The following BCL2 variants were observed in gnomAD, a reference collection of about 807,000 sequenced individuals.
The protein encoded by BCL2 is BCL2 apoptosis regulator.
Under a neutral mutation model 14.2 loss-of-function variants are expected in BCL2, and 1 was observed. The ratio of observed to expected loss-of-function variants is 0.07; its 90% CI spans 0.02 to 0.33. The LOEUF is 0.33. BCL2 is among the 10% of genes least tolerant of loss of function. BCL2 has a pLI of 0.99. For missense variants in BCL2, 247 were observed against 305.9 expected (o/e 0.81, Z 1.44); for synonymous variants, 151 against 137.2 (o/e 1.10, Z -0.70).
intron 2 of BCL2, among the ~76,000 whole-genome samples, chr18:63,307,780 G>A (rs1337808819): frequency 6.6e-6 from 1 of 152,158 alleles, no homozygotes; most frequent in Non-Finnish European, 1.5e-5. Flanking sequence ...AGAGGGCCTG[G>A]CAATGGGAAC....
intron 2 of BCL2, among the ~76,000 whole-genome samples, chr18:63,260,080 C>T (rs996394026): frequency 2.6e-5 from 4 of 152,096 alleles, no homozygotes; most frequent in African/African-American, 4.8e-5. Flanking sequence ...GTTTTGAACA[C>T]GTCTGGCTAC....
At chr18:63,247,863 T>C (rs1370867883) in intron 2 of BCL2, among the ~76,000 whole-genome samples, 1 of 152,240 alleles carries the variant, frequency 6.6e-6, no homozygotes, top group African/African-American at 2.4e-5. Context: ...GGGTTATGTT[T>C]ATAGACATAG....
At chr18:63,233,766 A>T (rs566941073) in intron 2 of BCL2, among the ~76,000 whole-genome samples, 2 of 152,288 alleles carry the variant, frequency 1.3e-5, no homozygotes, top group Admixed American at 1.3e-4. Flanking sequence ...ATCACATAGC[A>T]AAATGCAACA....
At chr18:63,205,249 T>C (rs1909804425) in intron 2 of BCL2, among the ~76,000 whole-genome samples, 1 of 152,232 alleles carries the variant, frequency 6.6e-6, no homozygotes, top group Non-Finnish European at 1.5e-5. Context: ...AATCGTTTCT[T>C]TGTAACACAT....
intron 2 of BCL2, among the ~76,000 whole-genome samples, chr18:63,189,997 T>G (rs1455713264): frequency 6.6e-6 from 1 of 152,186 alleles, no homozygotes; most frequent in Non-Finnish European, 1.5e-5. Flanking sequence ...CTAACCAGAA[T>G]ACGTCACTCT....
chr18:63,197,233 C>G (rs1461633390), intron 2 of BCL2, among the ~76,000 whole-genome samples: 1 of 152,188 alleles, frequency 6.6e-6, no homozygotes, highest in Non-Finnish European at 1.5e-5. Context: ...CGGCTAAGCG[C>G]CCCCTGCCAC....
intron 2 of BCL2, among the ~76,000 whole-genome samples, chr18:63,157,143 G>A (rs1030418906): frequency 2.6e-5 from 4 of 152,214 alleles, no homozygotes; most frequent in African/African-American, 9.7e-5. Flanking sequence ...AGGCTTCTGG[G>A]CTGAGCCTCT....
At chr18:63,301,754 G>T (rs981023181) in intron 2 of BCL2, among the ~76,000 whole-genome samples, 1 of 152,188 alleles carries the variant, frequency 6.6e-6, no homozygotes, top group Non-Finnish European at 1.5e-5. Context: ...AAGGGGCGGG[G>T]CTTTGTCCTT....
At chr18:63,248,844 C>A (rs1178004162) in intron 2 of BCL2, among the ~76,000 whole-genome samples, 1 of 152,236 alleles carries the variant, frequency 6.6e-6, no homozygotes, top group Non-Finnish European at 1.5e-5. Flanking sequence ...GAGGTCAGTG[C>A]TCAGCACATT....
Position 63,285,715 on chromosome 18 carries a change from G to A in BCL2, c.585+32367C>T, listed in dbSNP as rs535384160. ...CATCTCTCATCTCTGAGTGTGTAGC[G>A]GGAGAGGGTGCACCGTTTCCATGCA... On this transcript the variant is annotated intron_variant, in intron 2 of 2. Transcript: ENST00000333681. 7.2e-5 allele frequency among the ~76,000 whole-genome samples: 11 copies of A among 152,170 alleles called. No homozygotes were observed. The East Asian group carries it at 9.7e-4, about 13-fold the overall frequency.
chr18:63,201,339 A>G (rs1471918489), intron 2 of BCL2, among the ~76,000 whole-genome samples: 1 of 152,236 alleles, frequency 6.6e-6, no homozygotes, highest in East Asian at 1.9e-4. Flanking sequence ...ACGCTAGTCA[A>G]TTCATCCTTA....
At chr18:63,145,438 C>A (rs1340532815) in intron 2 of BCL2, among the ~76,000 whole-genome samples, 1 of 152,238 alleles carries the variant, frequency 6.6e-6, no homozygotes, top group Admixed American at 6.5e-5. Flanking sequence ...ACTGCCCCGT[C>A]ACCTGCTTCT....
At position 63,127,921 on chromosome 18, in the gene BCL2, A is replaced by G. The variant is rs746655788; in HGVS notation, c.*704T>C. 3 of 224,742 alleles carry G rather than the reference A, an allele frequency of 1.3e-5. No homozygotes were observed. The highest frequency in any genetic ancestry group is 2.7e-5 in the Non-Finnish European group (3 of 112,498). 13.9% of individuals were successfully genotyped at this position (224,742 alleles called of 1,614,324 possible). A position where few individuals can be genotyped will look rare whatever the true frequency, so the allele number is the denominator to read the frequency against. On this transcript the variant is annotated 3_prime_UTR_variant, in exon 3 of 3. Transcript: ENST00000333681. ...TGGTAGCTTAAAAAAATACTTTCCTATGATTTAAGGGCATTTTTCCCATCG... is the reference window on the plus strand; with the variant it reads ...TGGTAGCTTAAAAAAATACTTTCCTGTGATTTAAGGGCATTTTTCCCATCG...
Position 63,125,905 on chromosome 18 carries a change from G to A in BCL2, c.*2720C>T. ...CAGCCAGCCAGCAATTAGCCCCCGT[G>A]ACCTCTTAATATATATACATTTTTC... On this transcript the variant is annotated 3_prime_UTR_variant, in exon 3 of 3. Transcript: ENST00000333681. The A allele has an allele frequency of 4.7e-6, 1 of 213,698 alleles. No individual in the cohort carries two copies. The highest frequency in any genetic ancestry group is 9.5e-6 in the Non-Finnish European group (1 of 105,358). The allele number at this position is 213,698 out of a possible 1,614,324, so 13.2% of individuals were successfully genotyped here.
chr18:63,198,818 G>GACACAGAGACAC (rs1909567928), intron 2 of BCL2, among the ~76,000 whole-genome samples: 1 of 109,362 alleles, frequency 9.1e-6, no homozygotes, highest in African/African-American at 3.8e-5. Context: ...GAGACACACA[G>GACACAGAGACAC]ACACACAGAC....
intron 2 of BCL2, among the ~76,000 whole-genome samples, chr18:63,193,633 T>C (rs1178439749): frequency 1.3e-5 from 2 of 149,392 alleles, no homozygotes; most frequent in Non-Finnish European, 1.5e-5. Context: ...CACATACAAA[T>C]ACACACACAC....
intron 2 of BCL2, among the ~76,000 whole-genome samples, chr18:63,265,305 A>G (rs898787693): frequency 6.6e-6 from 1 of 152,196 alleles, no homozygotes; most frequent in African/African-American, 2.4e-5. Context: ...CACAATAAAA[A>G]CAGCTATCAG....
chr18:63,205,243 GT>G lies in BCL2; in HGVS notation c.586-76485del. Reference sequence around the variant, plus strand: ...AGCCTTCCTTTGAACCGGAATAATCGTTTCTTTGTAACACATATGATTATTT... The same window carrying G: ...AGCCTTCCTTTGAACCGGAATAATCGTTCTTTGTAACACATATGATTATTT... On this transcript the variant is annotated intron_variant, in intron 2 of 2. Transcript: ENST00000333681. Among the ~76,000 whole-genome samples the G allele has an allele frequency of 1.3e-5, 2 of 152,208 alleles. 1 individual carries two copies. Among genetic ancestry groups the G allele is most frequent in the South Asian group, 4.1e-4 (2 of 4,824 alleles).
At chr18:63,277,972 C>G (rs1019818777) in intron 2 of BCL2, among the ~76,000 whole-genome samples, 1 of 152,136 alleles carries the variant, frequency 6.6e-6, no homozygotes, top group African/African-American at 2.4e-5. Context: ...ATTCTAGAAG[C>G]CAGTGTCCCT....
Sources: allele counts gnomAD v4.1 joint callset (sites outside exome capture counted in the v4.1 genomes callset), GRCh38; gene constraint gnomAD v4.1.1; transcripts MANE v1.5; gene names NCBI Gene and HGNC (gene_info 2026-07-23, HGNC 2026-07-21).